Variants in PCDH9 observed in about 807,000 individuals in gnomAD.
PCDH9 encodes the protein protocadherin 9.
In PCDH9, 24 loss-of-function variants were observed where a neutral mutation model predicts 70.6. The observed-to-expected ratio is 0.34, with a 90% CI of 0.25 to 0.48. PCDH9 has a LOEUF of 0.48. Ranked by LOEUF, PCDH9 falls within the 20% of genes least tolerant of loss-of-function variation. The pLI, the probability that PCDH9 is intolerant of heterozygous loss-of-function variation, is 0.99. For missense variants in PCDH9, 1,281 were observed against 1,503.6 expected, an observed-to-expected ratio of 0.85 and a Z score of 2.45; for synonymous variants, 562 against 558.5, an observed-to-expected ratio of 1.01 and a Z score of -0.09.
intron 4 of PCDH9, among the ~76,000 whole-genome samples, chr13:66,523,515 A>G (rs747680526): frequency 1.3e-5 from 2 of 151,994 alleles, no homozygotes; most frequent in African/African-American, 4.8e-5. Flanking sequence ...TTTTTTTGCC[A>G]AACGAAGATT....
At chr13:66,696,251 A>G (rs1221606021) in intron 3 of PCDH9, among the ~76,000 whole-genome samples, 1 of 152,138 alleles carries the variant, frequency 6.6e-6, no homozygotes, top group Non-Finnish European at 1.5e-5. Flanking sequence ...AATAATTTTC[A>G]GTTTCACTAA....
chr13:66,721,145 C>T (rs748714555), intron 3 of PCDH9, among the ~76,000 whole-genome samples: 2 of 152,040 alleles, frequency 1.3e-5, no homozygotes, highest in Non-Finnish European at 2.9e-5. Flanking sequence ...TGTATGAAAC[C>T]GTCATGCTGT....
chr13:66,738,697 A>G (rs2079200147), intron 3 of PCDH9, among the ~76,000 whole-genome samples: 1 of 150,198 alleles, frequency 6.7e-6, no homozygotes, highest in African/African-American at 2.4e-5. Context: ...TGAAGAATGC[A>G]GAAGCCTCAG....
chr13:67,134,125 C>T (rs2087174122), intron 2 of PCDH9, among the ~76,000 whole-genome samples: 1 of 152,010 alleles, frequency 6.6e-6, no homozygotes, highest in African/African-American at 2.4e-5. Context: ...AGATTGCCTC[C>T]AGGTGTTTTT....
chr13:66,843,471 G>A (rs1000690296), intron 3 of PCDH9, among the ~76,000 whole-genome samples: 4 of 152,104 alleles, frequency 2.6e-5, no homozygotes, highest in Admixed American at 2.0e-4. Flanking sequence ...TTGAATATTT[G>A]CTGTTGCCTT....
intron 3 of PCDH9, among the ~76,000 whole-genome samples, chr13:66,691,825 T>A (rs537157839): frequency 7.9e-5 from 12 of 152,352 alleles, no homozygotes; most frequent in African/African-American, 2.6e-4. Context: ...CATATTATAG[T>A]CGTAATATTT....
intron 3 of PCDH9, among the ~76,000 whole-genome samples, chr13:66,756,666 G>T (rs2139238481): frequency 6.6e-6 from 1 of 152,178 alleles, no homozygotes; most frequent in East Asian, 1.9e-4. Flanking sequence ...CAAAAAACAT[G>T]CTTGTGTCAT....
intron 3 of PCDH9, among the ~76,000 whole-genome samples, chr13:66,832,232 T>G (rs572469745): frequency 8.5e-5 from 13 of 152,266 alleles, no homozygotes; most frequent in Admixed American, 5.2e-4. Context: ...AACTGGAATT[T>G]ATAATAAATG....
At chr13:66,464,260 C>T (rs1470370) in intron 4 of PCDH9, among the ~76,000 whole-genome samples, 73,477 of 151,114 alleles carry the variant, frequency 0.49, 18,535 homozygotes, top group East Asian at 0.66. Flanking sequence ...GCCACAGCTT[C>T]GTGGTGTGAT....
intron 3 of PCDH9, among the ~76,000 whole-genome samples, chr13:66,783,931 A>C (rs2080039476): frequency 6.6e-6 from 1 of 152,200 alleles, no homozygotes; most frequent in Non-Finnish European, 1.5e-5. Flanking sequence ...AACATGATTT[A>C]ATTTTAACTA....
chr13:66,511,283 G>T (rs79165063), intron 4 of PCDH9, among the ~76,000 whole-genome samples: 14,161 of 151,926 alleles, frequency 0.093, 860 homozygotes, highest in Middle Eastern at 0.13. Context: ...TTAATTTATT[G>T]AATTTATATT....
chr13:66,825,335 T>TTA (rs2080801599), intron 3 of PCDH9: 2 of 1,212 alleles, frequency 1.7e-3, no homozygotes, highest in Non-Finnish European at 8.6e-3. Flanking sequence ...TTATAAAAAC[T>TTA]TTTTTTTTTT....
intron 3 of PCDH9, among the ~76,000 whole-genome samples, chr13:66,838,145 A>C (rs1313863891): frequency 6.6e-6 from 1 of 152,172 alleles, no homozygotes; most frequent in African/African-American, 2.4e-5. Context: ...ATTTCATTCT[A>C]TAATATTTTT....
intron 3 of PCDH9, among the ~76,000 whole-genome samples, chr13:66,858,142 T>G (rs753977768): frequency 6.6e-6 from 1 of 152,178 alleles, no homozygotes; most frequent in African/African-American, 2.4e-5. Flanking sequence ...TTAAACATTG[T>G]AAATTTATTC....
At chr13:66,646,071 G>A (rs1263375959) in intron 3 of PCDH9, among the ~76,000 whole-genome samples, 1 of 152,182 alleles carries the variant, frequency 6.6e-6, no homozygotes, top group African/African-American at 2.4e-5. Context: ...TTGAATTCCT[G>A]TGTGGAACAC....
intron 4 of PCDH9, among the ~76,000 whole-genome samples, chr13:66,510,581 A>G (rs970921508): frequency 2.0e-5 from 3 of 151,998 alleles, no homozygotes; most frequent in African/African-American, 7.3e-5. Flanking sequence ...TCATTGTTCA[A>G]TTCCCACCTA....
intron 2 of PCDH9, chr13:67,218,342 G>A (rs1223773159): frequency 6.6e-6 from 1 of 152,014 alleles, no homozygotes; most frequent in African/African-American, 2.4e-5. Context: ...TGAAGATTAA[G>A]AGGACAAAAA....
At chr13:66,828,399 T>C (rs2080861917) in intron 3 of PCDH9, among the ~76,000 whole-genome samples, 2 of 152,198 alleles carry the variant, frequency 1.3e-5, no homozygotes, top group South Asian at 2.1e-4. Context: ...ACAATATTAC[T>C]GACAGGAATA....
At chr13:66,565,857 C>T (rs933396740) in intron 4 of PCDH9, among the ~76,000 whole-genome samples, 1 of 152,026 alleles carries the variant, frequency 6.6e-6, no homozygotes. Flanking sequence ...CTCCTATTTC[C>T]TCCTATGGAA....
Sources: gnomAD v4.1 joint callset for allele counts (sites outside exome capture counted in the v4.1 genomes callset) on GRCh38, gnomAD v4.1.1 for gene constraint, MANE v1.5 for transcripts, NCBI Gene and HGNC (gene_info 2026-07-23, HGNC 2026-07-21) for gene names.